TXNDC5: variants seen among roughly 807,000 people sequenced by gnomAD.
TXNDC5 encodes the protein thioredoxin domain-containing protein 5.
A neutral mutation model predicts 52.6 loss-of-function variants in TXNDC5; 44 were observed. The observed-to-expected ratio is 0.84, with a 90% CI of 0.66 to 1.08. TXNDC5 has a LOEUF of 1.08. Among genes scored for constraint, TXNDC5 ranks in the 50% least tolerant of loss-of-function variants. TXNDC5 has a pLI of 0.00. For synonymous variants in TXNDC5, 241 were observed against 234.4 expected, an observed-to-expected ratio of 1.03 and a Z score of -0.26; for missense variants, 600 against 565.5, an observed-to-expected ratio of 1.06 and a Z score of -0.62.
At chr6:7,887,086 TAC>T (rs1581308479) in intron 7 of TXNDC5, among the ~76,000 whole-genome samples, 2 of 150,980 alleles carry the variant, frequency 1.3e-5, no homozygotes, top group East Asian at 3.9e-4. Context: ...ATCAGCTGTT[TAC>T]TTCTTCAACC....
At chr6:7,895,472 T>C (rs1383828926) in intron 3 of TXNDC5, among the ~76,000 whole-genome samples, 2 of 152,212 alleles carry the variant, frequency 1.3e-5, no homozygotes, top group African/African-American at 4.8e-5. Context: ...AAGTGATAGC[T>C]GTCCCTACCC....
chr6:7,908,300 A>G (rs1760803193), intron 1 of TXNDC5, among the ~76,000 whole-genome samples: 1 of 151,498 alleles, frequency 6.6e-6, no homozygotes, highest in Admixed American at 6.6e-5. Flanking sequence ...AAAAAAAAAA[A>G]AAAAGTAACA....
intron 5 of TXNDC5, 54 bp from the exon 6 acceptor site, chr6:7,889,635 C>G: frequency 1.5e-6 from 2 of 1,372,002 alleles, no homozygotes; most frequent in Non-Finnish European, 2.1e-6. Context: ...AACCTTCTTG[C>G]TAATGGGGCT....
intron 1 of TXNDC5, among the ~76,000 whole-genome samples, chr6:7,909,077 A>G (rs1028190844): frequency 2.0e-5 from 3 of 152,226 alleles, no homozygotes; most frequent in Non-Finnish European, 4.4e-5. Flanking sequence ...TGTACTTCAT[A>G]TACACATTGT....
intron 9 of TXNDC5, among the ~76,000 whole-genome samples, chr6:7,883,931 G>C (rs564139966): frequency 6.6e-6 from 1 of 152,090 alleles, no homozygotes; most frequent in East Asian, 1.9e-4. Flanking sequence ...TTTCAGAAAG[G>C]AGGTTATGTT....
At position 7,885,944 on chromosome 6, in the gene TXNDC5, A is replaced by C. The variant is rs764762167; in HGVS notation, c.1046+17T>G. The stretch of plus-strand genomic sequence containing the variant: ...GTACACATGGACAAAGTAGTTTCTA[A>C]TTAAACAGCCACTTACCATGGAGCA... On this transcript the variant is annotated intron_variant, in intron 8 of 9. Coordinates refer to ENST00000379757, the MANE Select transcript of TXNDC5 (RefSeq NM_030810.5). The C allele has an allele frequency of 6.2e-7, 1 of 1,613,364 alleles. No individual in the cohort carries two copies. The highest frequency in any genetic ancestry group is 1.7e-5 in the Admixed American group (1 of 59,944).
intron 3 of TXNDC5, among the ~76,000 whole-genome samples, chr6:7,896,587 T>G (rs1760376085): frequency 6.6e-6 from 1 of 152,178 alleles, no homozygotes; most frequent in African/African-American, 2.4e-5. Flanking sequence ...AACCACAAAG[T>G]TTCCCTTCTG....
chr6:7,892,384 A>C (rs1760225584), intron 4 of TXNDC5, among the ~76,000 whole-genome samples: 1 of 152,252 alleles, frequency 6.6e-6, no homozygotes, highest in South Asian at 2.1e-4. Flanking sequence ...CAAACCACCT[A>C]TGTCTTCAGC....
chr6:7,895,336 G>A (rs932970043), intron 3 of TXNDC5, 134 bp from the exon 4 acceptor site: 38 of 743,284 alleles, frequency 5.1e-5, no homozygotes, highest in Admixed American at 8.7e-5. Context: ...CTTGTACGAT[G>A]CTGCTGTGCT....
chr6:7,889,252 G>T (rs1305709503), intron 6 of TXNDC5: 3 of 507,716 alleles, frequency 5.9e-6, no homozygotes, highest in Non-Finnish European at 1.1e-5. Flanking sequence ...CAGTTACCCT[G>T]TGACTGTAAG....
chr6:7,905,745 A>G (rs1760709328), intron 1 of TXNDC5, among the ~76,000 whole-genome samples: 1 of 152,192 alleles, frequency 6.6e-6, no homozygotes, highest in South Asian at 2.1e-4. Flanking sequence ...ATTATGACAC[A>G]TGGGTTTGTT....
At chr6:7,906,558 GAA>G (rs1481043797) in intron 1 of TXNDC5, among the ~76,000 whole-genome samples, 3 of 115,470 alleles carry the variant, frequency 2.6e-5, no homozygotes, top group African/African-American at 1.2e-4. Flanking sequence ...AAAAAAAAAA[GAA>G]AAACAGACTT....
At chr6:7,885,578 A>G (rs1482744850) in intron 8 of TXNDC5, among the ~76,000 whole-genome samples, 1 of 152,254 alleles carries the variant, frequency 6.6e-6, no homozygotes, top group East Asian at 1.9e-4. Flanking sequence ...GAGCAAAGCT[A>G]CATCATGACA....
Position 7,885,980 on chromosome 6 carries a change from TGAA to T in TXNDC5, c.1024_1026del (p.Phe342del), listed in dbSNP as rs748859937. ...ACTTACCATGGAGCATAAAACTTGA[TGAA>T]GGTTATTCCTTCTGCAATGGTGTCA... On this transcript the variant is annotated inframe_deletion, in exon 8 of 10. Coordinates refer to ENST00000379757, the MANE Select transcript of TXNDC5 (RefSeq NM_030810.5). 18 of 1,614,032 alleles carry T rather than the reference TGAA, an allele frequency of 1.1e-5. No individual in the cohort carries two copies. The highest frequency in any genetic ancestry group is 1.5e-5 in the Non-Finnish European group (18 of 1,180,020).
chr6:7,906,081 A>T (rs1561815808), intron 1 of TXNDC5, among the ~76,000 whole-genome samples: 1 of 152,090 alleles, frequency 6.6e-6, no homozygotes, highest in Non-Finnish European at 1.5e-5. Flanking sequence ...TCTACAAAAA[A>T]TTTTAAAAAA....
Position 7,908,963 on chromosome 6 carries a change from G to A in TXNDC5, c.263+1551C>T, listed in dbSNP as rs77975310. Among the ~76,000 whole-genome samples the A allele has an allele frequency of 1.8e-4, 28 of 152,314 alleles. 2 individuals carry two copies. In the East Asian group the frequency reaches 5.2e-3, roughly 28 times the overall value. On this transcript the variant is annotated intron_variant, in intron 1 of 9. Coordinates refer to ENST00000379757, the MANE Select transcript of TXNDC5 (RefSeq NM_030810.5). Reference sequence around the variant, plus strand: ...TGCTGAGAATACTCCCGAACAAAGAGAAACTGTTAATACTGCCTGATTGTT... The same window carrying A: ...TGCTGAGAATACTCCCGAACAAAGAAAAACTGTTAATACTGCCTGATTGTT...
intron 3 of TXNDC5, 51 bp downstream of exon 3, chr6:7,899,525 C>CAGGGAGAG (rs753006430): frequency 2.1e-5 from 22 of 1,046,658 alleles, no homozygotes; most frequent in Admixed American, 5.2e-5. Flanking sequence ...AAGATGTAGG[C>CAGGGAGAG]AGGGAGAGAG....
chr6:7,884,356 C>A lies in TXNDC5; in HGVS notation c.1176+3G>T, dbSNP rs780952558. On this transcript the variant is annotated splice_donor_region_variant and intron_variant, in intron 9 of 9. Coordinates refer to ENST00000379757, the MANE Select transcript of TXNDC5 (RefSeq NM_030810.5). Reference sequence around the variant, plus strand: ...TCCCATAAGCATCCATCCAAGTACCCACCGAATACTTGCTGCAGATATTCC... The same window carrying A: ...TCCCATAAGCATCCATCCAAGTACCAACCGAATACTTGCTGCAGATATTCC... 1.2e-6 allele frequency: 2 copies of A among 1,614,044 alleles called. No homozygotes were observed. The highest frequency in any genetic ancestry group is 1.7e-6 in the Non-Finnish European group (2 of 1,179,952).
At chr6:7,900,524 T>C (rs1397753497) in intron 2 of TXNDC5, among the ~76,000 whole-genome samples, 3 of 152,238 alleles carry the variant, frequency 2.0e-5, no homozygotes, top group Non-Finnish European at 4.4e-5. Flanking sequence ...AGCGCGTATG[T>C]GGATTTTGTG....
Sources: allele counts gnomAD v4.1 joint callset (sites outside exome capture counted in the v4.1 genomes callset), GRCh38; gene constraint gnomAD v4.1.1; transcripts MANE v1.5; gene names NCBI Gene and HGNC (gene_info 2026-07-23, HGNC 2026-07-21).